MB21D2: variants seen among roughly 807,000 people sequenced by gnomAD.
The protein encoded by MB21D2 is nucleotidyltransferase MB21D2.
Under a neutral mutation model 33.3 loss-of-function variants are expected in MB21D2, and 9 were observed. The ratio of observed to expected loss-of-function variants is 0.27; its 90% CI spans 0.16 to 0.47. MB21D2 has a LOEUF of 0.47. MB21D2 is among the 20% of genes least tolerant of loss of function. MB21D2 has a pLI of 0.99. For missense variants in MB21D2, 540 were observed against 624.6 expected, an observed-to-expected ratio of 0.86 and a Z score of 1.44; for synonymous variants, 241 against 236.3, an observed-to-expected ratio of 1.02 and a Z score of -0.18.
rs114623245 is a variant in MB21D2, at chr3:192,805,986, G to A, written c.212-6336C>T. ...GCACACAAAACATGTTAGATGAAGG[G>A]AAATGAATGAAGTATTCTCTCCCCT... On this transcript the variant is annotated intron_variant, in intron 1 of 1. Transcript: ENST00000392452. Among the ~76,000 whole-genome samples, 999 of 152,280 alleles carry A rather than the reference G, an allele frequency of 6.6e-3. 17 individuals are homozygous for A. The highest frequency in any genetic ancestry group is 0.023 in the African/African-American group (937 of 41,544).
chr3:192,907,580 C>T (rs1001547815), intron 1 of MB21D2, among the ~76,000 whole-genome samples: 1 of 152,176 alleles, frequency 6.6e-6, no homozygotes, highest in African/African-American at 2.4e-5. Context: ...AGTCTCAGTA[C>T]TCCCATCTAG....
At chr3:192,875,557 A>C (rs13091888) in intron 1 of MB21D2, among the ~76,000 whole-genome samples, 92,988 of 152,040 alleles carry the variant, frequency 0.61, 30,335 homozygotes, top group African/African-American at 0.84. Context: ...AGCAATAATA[A>C]TTTAAAAAGA....
chr3:192,891,901 A>C (rs1713860508), intron 1 of MB21D2, among the ~76,000 whole-genome samples: 1 of 152,118 alleles, frequency 6.6e-6, no homozygotes, highest in Admixed American at 6.5e-5. Flanking sequence ...AAGTTTTAAC[A>C]AATTACATTC....
intron 1 of MB21D2, among the ~76,000 whole-genome samples, chr3:192,889,109 G>A (rs766141272): frequency 4.7e-4 from 71 of 152,096 alleles, no homozygotes; most frequent in Non-Finnish European, 9.4e-4. Context: ...TCACCAGGCA[G>A]AAGAATTAAA....
intron 1 of MB21D2, among the ~76,000 whole-genome samples, chr3:192,888,281 A>G (rs1713776862): frequency 6.6e-6 from 1 of 152,108 alleles, no homozygotes; most frequent in Admixed American, 6.5e-5. Context: ...CTATTAAGTA[A>G]TGACTAAGCC....
At chr3:192,865,742 T>C (rs1713153772) in intron 1 of MB21D2, among the ~76,000 whole-genome samples, 2 of 151,946 alleles carry the variant, frequency 1.3e-5, no homozygotes, top group South Asian at 2.1e-4. Flanking sequence ...GTTCAACATA[T>C]GATTGTCTTT....
chr3:192,890,163 C>A lies in MB21D2; in HGVS notation c.211+27467G>T, dbSNP rs540389654. ...TATCTCCTTGCAATAAATAGTGGAG[C>A]ATGTCCCTGCTTCCCTCACAGAACA... On this transcript the variant is annotated intron_variant, in intron 1 of 1. Transcript: ENST00000392452. 2.6e-5 allele frequency among the ~76,000 whole-genome samples: 4 copies of A among 152,184 alleles called. No homozygotes were observed. In the South Asian group the frequency reaches 8.3e-4, roughly 32 times the overall value.
intron 1 of MB21D2, among the ~76,000 whole-genome samples, chr3:192,876,665 T>G (rs1713433876): frequency 6.6e-6 from 1 of 152,162 alleles, no homozygotes; most frequent in Admixed American, 6.5e-5. Flanking sequence ...CTCTCAATTC[T>G]TGCCACTTCC....
chr3:192,826,158 T>C (rs542281401), intron 1 of MB21D2, among the ~76,000 whole-genome samples: 5 of 152,362 alleles, frequency 3.3e-5, no homozygotes, highest in Non-Finnish European at 5.9e-5. Flanking sequence ...TAAAACACTA[T>C]GTGCTTTTTT....
Position 192,917,685 on chromosome 3 carries a change from G to C in MB21D2, c.156C>G (p.Asp52Glu). The change falls in exon 1 of 2, where the codon GAC becomes GAG. Residue 52 changes from aspartate to glutamate, a missense_variant. Transcript: ENST00000392452. Reference protein sequence around the residue: ...EFTKHDQREYDDQRALEIHTA... With the variant: ...EFTKHDQREYEDQRALEIHTA... ...TGTGAATCTCCAGCGCTCTCTGGTC[G>C]TCGTATTCCCGCTGGTCGTGCTTCG... 6.2e-7 allele frequency: 1 copy of C among 1,614,134 alleles called. No homozygotes were observed. The highest frequency in any genetic ancestry group is 1.6e-4 in the Middle Eastern group (1 of 6,062).
chr3:192,893,314 C>T (rs1713895125), intron 1 of MB21D2, among the ~76,000 whole-genome samples: 1 of 152,228 alleles, frequency 6.6e-6, no homozygotes, highest in Non-Finnish European at 1.5e-5. Context: ...TCACTGCCCT[C>T]AAACCGACCA....
chr3:192,903,063 A>G (rs192211603), intron 1 of MB21D2, among the ~76,000 whole-genome samples: 188 of 152,346 alleles, frequency 1.2e-3, no homozygotes, highest in African/African-American at 4.5e-3. Flanking sequence ...CCTTCCTCTA[A>G]TAGCAATTAA....
intron 1 of MB21D2, among the ~76,000 whole-genome samples, chr3:192,868,506 T>C (rs2108636460): frequency 6.6e-6 from 1 of 151,870 alleles, no homozygotes; most frequent in East Asian, 1.9e-4. Flanking sequence ...AGCAAGTTTG[T>C]ATTAAGTTTT....
intron 1 of MB21D2, among the ~76,000 whole-genome samples, chr3:192,870,011 C>T (rs143913930): frequency 4.3e-4 from 66 of 152,274 alleles, no homozygotes; most frequent in African/African-American, 1.5e-3. Context: ...GGAGCAAGAT[C>T]CTGAGACTTA....
chr3:192,864,761 C>T (rs1713132323), intron 1 of MB21D2, among the ~76,000 whole-genome samples: 1 of 152,154 alleles, frequency 6.6e-6, no homozygotes, highest in Non-Finnish European at 1.5e-5. Flanking sequence ...CCCGCCTCAG[C>T]CTCCCAAAGT....
At chr3:192,826,566 G>A (rs1208431804) in intron 1 of MB21D2, among the ~76,000 whole-genome samples, 1 of 152,202 alleles carries the variant, frequency 6.6e-6, no homozygotes, top group African/African-American at 2.4e-5. Context: ...ATATCATTGT[G>A]ATTATAAAAG....
In MB21D2 at chr3:192,798,736, T is replaced by C; in HGVS notation, c.1126A>G (p.Asn376Asp). The C allele has an allele frequency of 1.9e-6, 3 of 1,613,450 alleles. No homozygotes were observed. Among genetic ancestry groups the C allele is most frequent in the Non-Finnish European group, 2.5e-6 (3 of 1,180,022 alleles). Reference protein sequence around the residue: ...QHCLVNKMCPNYFIPQCNMLE... With the variant: ...QHCLVNKMCPDYFIPQCNMLE... ...ATGTTGCACTGAGGGATGAAATAATTGGGGCACATCTTGTTGACCAGACAG... is the reference window on the plus strand; with the variant it reads ...ATGTTGCACTGAGGGATGAAATAATCGGGGCACATCTTGTTGACCAGACAG... Residue 376 changes from asparagine (N) to aspartate (D), a missense_variant, in exon 2 of 2, where the codon AAT (asparagine) becomes GAT (aspartate). Physicochemically the swap from Asn to Asp is conservative, Grantham distance 23. Transcript: ENST00000392452. This position sits in a 1 kb window ranked among gnomAD's most constrained non-coding sequence, Gnocchi z 4.8.
intron 1 of MB21D2, among the ~76,000 whole-genome samples, chr3:192,872,434 C>T (rs1453082473): frequency 1.3e-5 from 2 of 151,512 alleles, no homozygotes; most frequent in Non-Finnish European, 2.9e-5. Context: ...AAATTAGCCG[C>T]ACGTGGTGGC....
intron 1 of MB21D2, among the ~76,000 whole-genome samples, chr3:192,899,402 G>A (rs538840455): frequency 4.6e-5 from 7 of 152,226 alleles, no homozygotes; most frequent in African/African-American, 1.4e-4. Context: ...GGTGGCGGAC[G>A]CCTGTAATCC....
Sources: gnomAD v4.1 joint callset for allele counts (sites outside exome capture counted in the v4.1 genomes callset) on GRCh38, gnomAD v4.1.1 for gene constraint, Gnocchi (gnomAD v3.1) non-coding constraint, MANE v1.5 for transcripts, NCBI Gene and HGNC (gene_info 2026-07-23, HGNC 2026-07-21) for gene names.